Variants in FN1 observed in about 807,000 individuals in gnomAD.
FN1 encodes fibronectin 1, also known as fibronectin.
Under a neutral mutation model 297.3 loss-of-function variants are expected in FN1, and 106 were observed. The ratio of observed to expected loss-of-function variants is 0.36; its 90% CI spans 0.30 to 0.42. The LOEUF is 0.42. Ranked by LOEUF, FN1 falls within the 10% of genes least tolerant of loss-of-function variation. FN1 has a pLI of 1.00. For missense variants in FN1, 2,690 were observed against 3,124.9 expected (o/e 0.86, Z 3.32); for synonymous variants, 1,149 against 1,152.6 (o/e 1.00, Z 0.06).
chr2:215,402,830 C>A (rs1269202327), intron 20 of FN1, among the ~76,000 whole-genome samples: 2 of 152,134 alleles, frequency 1.3e-5, no homozygotes, highest in Non-Finnish European at 2.9e-5. Context: ...TTATGCAAAG[C>A]ATAAAATAAT....
chr2:215,375,597 A>G, intron 37 of FN1, 32 bp downstream of exon 37: 1 of 1,474,186 alleles, frequency 6.8e-7, no homozygotes, highest in Non-Finnish European at 9.5e-7. Flanking sequence ...CATACAAGTC[A>G]ATGGCATTTC....
intron 12 of FN1, 116 bp downstream of exon 12, chr2:215,419,126 G>A: frequency 1.2e-6 from 1 of 813,676 alleles, no homozygotes; most frequent in Non-Finnish European, 2.1e-6. Context: ...AATAACAAGA[G>A]AAAAGGGTGG....
intron 25 of FN1, chr2:215,392,062 T>C: frequency 2.1e-6 from 1 of 478,030 alleles, no homozygotes; most frequent in Non-Finnish European, 3.8e-6. Flanking sequence ...AATTTTAATC[T>C]ACTTTCAAAT....
rs1320538465 is a variant in FN1 at position 215,372,005 on chromosome 2, A to C, written c.6618T>G (p.Ala2206=). The C allele has an allele frequency of 6.2e-7, 1 of 1,614,116 alleles. No individual in the cohort carries two copies. The highest frequency in any genetic ancestry group is 8.5e-7 in the Non-Finnish European group (1 of 1,180,024). The change falls in exon 40 of 46, where the codon GCT becomes GCG. Residue 2206 remains alanine (A), a synonymous_variant. Transcript: ENST00000354785. ...LNPNASTGQE[A]LSQTTISWAP... ...CCCATGAGATGGTTGTCTGAGAGAG[A>C]GCTTCTTGTCCTGTAGAGGCATTTG...
Position 215,434,728 on chromosome 2 carries a change from C to G in FN1, c.245G>C (p.Ser82Thr). 6.2e-7 allele frequency: 1 copy of G among 1,614,202 alleles called. No homozygotes were observed. Among genetic ancestry groups the G allele is most frequent in the East Asian group, 2.2e-5 (1 of 44,876 alleles). Residue 82 changes from serine to threonine, a missense_variant, in exon 2 of 46, where the codon AGC (serine) becomes ACC (threonine). Transcript: ENST00000354785. ...TTTACTCTCGCAGTTAAAACCTCGG[C>G]TTCCTCCATAACAAGTACAAACCAA... ...NALVCTCYGG[S>T]RGFNCESKPE...
At chr2:215,384,301 CT>C in intron 29 of FN1, 117 bp from the exon 30 acceptor site, 1 of 1,032,840 alleles carries the variant, frequency 9.7e-7, no homozygotes, top group South Asian at 1.3e-5. Flanking sequence ...TGCTTATTCC[CT>C]TTTAAAGAGC....
intron 30 of FN1, 94 bp from the exon 31 acceptor site, chr2:215,383,577 T>G: frequency 7.7e-7 from 1 of 1,306,948 alleles, no homozygotes; most frequent in Non-Finnish European, 1.1e-6. Context: ...CATATTCGAA[T>G]GATCGCTTAC....
intron 3 of FN1, among the ~76,000 whole-genome samples, chr2:215,432,683 T>C (rs1353657465): frequency 6.6e-6 from 1 of 152,224 alleles, no homozygotes; most frequent in Non-Finnish European, 1.5e-5. Context: ...ATAGAATCTA[T>C]TGGTAACCCA....
chr2:215,373,491 A>G, intron 38 of FN1, 80 bp from the exon 39 acceptor site: 3 of 1,148,804 alleles, frequency 2.6e-6, no homozygotes, highest in Non-Finnish European at 3.9e-6. Context: ...AGCAGACGCT[A>G]CTGGGAGCAG....
intron 43 of FN1, 69 bp from the exon 44 acceptor site, chr2:215,365,054 G>A: frequency 9.7e-7 from 1 of 1,029,696 alleles, no homozygotes; most frequent in Middle Eastern, 2.0e-4. Flanking sequence ...TCTAGGGGTG[G>A]GTTCTATTTC....
chr2:215,363,315 A>G (rs913394605), intron 44 of FN1: 2 of 152,180 alleles, frequency 1.3e-5, no homozygotes, highest in African/African-American at 2.4e-5. Context: ...CCATCACACA[A>G]TTTCATACCA....
chr2:215,395,667 G>A (rs998024877), intron 23 of FN1, among the ~76,000 whole-genome samples: 1 of 152,204 alleles, frequency 6.6e-6, no homozygotes, highest in South Asian at 2.1e-4. Context: ...GTGATGACTA[G>A]AGATCTGTGG....
rs2067402031 is a variant in FN1, at chr2:215,435,902, CG to C, written c.-101del. 2 of 1,390,658 alleles carry C rather than the reference CG, an allele frequency of 1.4e-6. No individual in the cohort carries two copies. The highest frequency in any genetic ancestry group is 1.5e-5 in the African/African-American group (1 of 68,598). 86.1% of individuals were successfully genotyped at this position (1,390,658 alleles called of 1,614,324 possible). On this transcript the variant is annotated 5_prime_UTR_variant, in exon 1 of 46. Coordinates refer to ENST00000354785, the MANE Select transcript of FN1 (RefSeq NM_212482.4). ...GGGAAAAATCCCTTCTAATGCCTCCCGGGGGTTGTCGCCTCCAAGAAGGTGG... is the reference window on the plus strand; with the variant it reads ...GGGAAAAATCCCTTCTAATGCCTCCCGGGGTTGTCGCCTCCAAGAAGGTGG...
In FN1 at chr2:215,435,873, C is replaced by T; in HGVS notation, c.-71G>A. The T allele has an allele frequency of 2.7e-6, 4 of 1,487,790 alleles. No individual in the cohort carries two copies. Among genetic ancestry groups the T allele is most frequent in the Non-Finnish European group, 3.6e-6 (4 of 1,121,436 alleles). The allele number at this position is 1,487,790 out of a possible 1,614,324, so 92.2% of individuals were successfully genotyped here. On this transcript the variant is annotated 5_prime_UTR_variant, in exon 1 of 46. Transcript: ENST00000354785. ...CACCAAGTTTGCTTCCCTTCGCAAC[C>T]TGCGGGAAAAATCCCTTCTAATGCC...
At chr2:215,375,434 C>G (rs2057093201) in intron 37 of FN1, 41 bp from the exon 38 acceptor site, 1 of 1,579,484 alleles carries the variant, frequency 6.3e-7, no homozygotes, top group Non-Finnish European at 8.7e-7. Flanking sequence ...AGGCAAATAA[C>G]CAAGAAAATT....
rs780609376 is a variant in FN1, at chr2:215,435,716, G to T, written c.87C>A (p.Ser29Arg). The part of the protein sequence containing the change: ...TAVPSTGASK[S>R]KRQAQQMVQP... ...GAACCATTTGCTGAGCCTGCCTCTT[G>T]CTCTTCGAGGCTCCCGTGGAGGGCA... The change falls in exon 1 of 46, where the codon AGC becomes AGA. Residue 29 changes from serine (S) to arginine (R), a missense_variant. This residue lies in a region of FN1 where 876 missense variants were observed against 1,058.1 expected (regional missense o/e 0.83). Coordinates refer to ENST00000354785, the MANE Select transcript of FN1 (RefSeq NM_212482.4). 40 of 1,611,212 alleles carry T rather than the reference G, an allele frequency of 2.5e-5. No homozygotes were observed. In the East Asian group the frequency reaches 8.9e-4, roughly 36 times the overall value.
At chr2:215,382,504 T>C (rs1176156545) in intron 31 of FN1, among the ~76,000 whole-genome samples, 179 bp from the exon 32 acceptor site, 1 of 152,226 alleles carries the variant, frequency 6.6e-6, no homozygotes, top group Non-Finnish European at 1.5e-5. Flanking sequence ...TCATTGCTAA[T>C]ACAAATTACC....
At chr2:215,382,481 T>C (rs922247407) in intron 31 of FN1, among the ~76,000 whole-genome samples, 156 bp from the exon 32 acceptor site, 1 of 152,232 alleles carries the variant, frequency 6.6e-6, no homozygotes, top group African/African-American at 2.4e-5. Flanking sequence ...GATTTCCTCT[T>C]GGACAAACCT....
intron 40 of FN1, 163 bp downstream of exon 40, chr2:215,371,746 C>T: frequency 1.7e-6 from 1 of 588,262 alleles, no homozygotes; most frequent in South Asian, 1.7e-5. Context: ...CTCCTAACCT[C>T]AAATGATCCA....
Sources: gnomAD v4.1 joint callset for allele counts (sites outside exome capture counted in the v4.1 genomes callset) on GRCh38, gnomAD v4.1.1 for gene constraint, gnomAD v4.1.1 regional missense constraint, MANE v1.5 for transcripts, NCBI Gene and HGNC (gene_info 2026-07-23, HGNC 2026-07-21) for gene names.